The following PPFIA3 variants were observed in gnomAD, a reference collection of about 807,000 sequenced individuals.
The protein encoded by PPFIA3 is PPFI scaffold protein A3, also known as liprin-alpha-3.
Under a neutral mutation model 145.8 loss-of-function variants are expected in PPFIA3, and 26 were observed. That is an observed-to-expected ratio of 0.18 (90% CI 0.13 to 0.25). The LOEUF (loss-of-function observed/expected upper bound fraction) is 0.25, where lower values mean the gene tolerates loss of function less well. PPFIA3 is among the 10% of genes least tolerant of loss of function. PPFIA3 has a pLI of 1.00. For missense variants in PPFIA3, 1,008 were observed against 1,587.8 expected (o/e 0.63, Z 6.21); for synonymous variants, 645 against 661.4 (o/e 0.98, Z 0.38).
intron 1 of PPFIA3, among the ~76,000 whole-genome samples, chr19:49,124,462 G>A (rs773336538): frequency 6.6e-6 from 1 of 152,150 alleles, no homozygotes; most frequent in African/African-American, 2.4e-5. Context: ...ATATTAATGG[G>A]TGTCATTATG....
chr19:49,125,944 T>TTG (rs10658658), intron 1 of PPFIA3, among the ~76,000 whole-genome samples: 3,316 of 146,024 alleles, frequency 0.023, 125 homozygotes, highest in African/African-American at 0.081. Context: ...TTTTTTTTTG[T>TTG]TTGTTTGTTT....
At chr19:49,129,327 G>C (rs1038178971) in intron 4 of PPFIA3, 53 bp from the exon 5 acceptor site, 114 of 1,536,322 alleles carry the variant, frequency 7.4e-5, no homozygotes, top group Non-Finnish European at 9.3e-5. Flanking sequence ...AGGGGCAACT[G>C]TCCTAAACTG....
rs201386718 is a variant in PPFIA3 at position 49,141,557 on chromosome 19, TGA to T, written c.2462+48_2462+49del. ...GAGCGTGTGTGTGTGTATGTGAATG[TGA>T]GAGTGTGTGAGGGTGTGTGTGTGCG... is the stretch of plus-strand genomic sequence containing the variant. On this transcript the variant is annotated intron_variant, in intron 19 of 29. Coordinates refer to ENST00000334186, the MANE Select transcript of PPFIA3 (RefSeq NM_003660.4). 10,293 of 1,501,184 alleles carry T rather than the reference TGA, an allele frequency of 6.9e-3. 139 individuals are homozygous for T. The highest frequency in any genetic ancestry group is 0.036 in the Middle Eastern group (212 of 5,870). 93.0% of individuals were successfully genotyped at this position (1,501,184 alleles called of 1,614,324 possible). A position where few individuals can be genotyped will look rare whatever the true frequency, so the allele number is the denominator to read the frequency against.
At chr19:49,142,000 G>C in intron 19 of PPFIA3, 34 bp from the exon 20 acceptor site, 1 of 1,534,846 alleles carries the variant, frequency 6.5e-7, no homozygotes, top group African/African-American at 1.4e-5. Context: ...CTCCATCCCT[G>C]ACAGCTTCTA....
chr19:49,125,745 G>A (rs1047818351), intron 1 of PPFIA3, among the ~76,000 whole-genome samples: 11 of 152,042 alleles, frequency 7.2e-5, no homozygotes, highest in Admixed American at 5.2e-4. Flanking sequence ...AGAGGGGTGC[G>A]GTCTCCGACT....
At chr19:49,142,214 GC>G in intron 20 of PPFIA3, 99 bp downstream of exon 20, 1 of 1,173,370 alleles carries the variant, frequency 8.5e-7, no homozygotes, top group Non-Finnish European at 1.2e-6. Context: ...CCTGCTTCTA[GC>G]CCAGAGGTGG....
At chr19:49,132,940 G>A (rs1384621696) in intron 7 of PPFIA3, 61 bp from the exon 8 acceptor site, 2 of 1,565,704 alleles carry the variant, frequency 1.3e-6, no homozygotes, top group African/African-American at 2.7e-5. Flanking sequence ...GGGAACAAGG[G>A]GGTTCCCCGT....
At chr19:49,122,549 C>T (rs1000186631) in intron 1 of PPFIA3, among the ~76,000 whole-genome samples, 13 of 152,164 alleles carry the variant, frequency 8.5e-5, no homozygotes, top group Non-Finnish European at 1.6e-4. Flanking sequence ...CATTCTCTTC[C>T]CAGGAGCAAT....
chr19:49,126,276 T>A (rs946189461), intron 1 of PPFIA3, among the ~76,000 whole-genome samples: 1 of 149,034 alleles, frequency 6.7e-6, no homozygotes, highest in Non-Finnish European at 1.5e-5. Flanking sequence ...TGAAATGGAA[T>A]CTCACACTGT....
chr19:49,148,727 G>A lies in PPFIA3; in HGVS notation c.3073G>A (p.Glu1025Lys). ...KRLNYDRKDL[E>K]RRREESQTQI... Reference sequence around the variant, plus strand: ...GCTCAACTATGACCGGAAGGACCTGGAGCGGAGGCGGGAAGAAAGTCAGAC... The same window carrying A: ...GCTCAACTATGACCGGAAGGACCTGAAGCGGAGGCGGGAAGAAAGTCAGAC... Residue 1025 changes from glutamate (E) to lysine (K), a missense_variant, in exon 25 of 30, where the codon GAG (glutamate) becomes AAG (lysine). Around this residue, in one of 11 missense-constraint regions of PPFIA3, gnomAD observed 154 missense variants for 369.2 expected, o/e 0.42. Transcript: ENST00000334186. 6.2e-7 allele frequency: 1 copy of A among 1,614,114 alleles called. No homozygotes were observed. Among genetic ancestry groups the A allele is most frequent in the East Asian group, 2.2e-5 (1 of 44,880 alleles).
At position 49,136,852 on chromosome 19, in the gene PPFIA3, C is replaced by T. The variant is rs779056060; in HGVS notation, c.1794C>T (p.Asp598=). The change falls in exon 15 of 30, where the codon GAC becomes GAT. Residue 598 remains aspartate (D), a synonymous_variant. Transcript: ENST00000334186. ...AELLSPSGQA[D]VQTLAIMLQE... is the part of the protein sequence containing the mutation. ...TGCTGTCCCCCAGTGGGCAGGCTGA[C>T]GTGCAGACGCTGGCCATCATGCTTC... 59 of 1,586,148 alleles carry T rather than the reference C, an allele frequency of 3.7e-5. No individual in the cohort carries two copies. Among genetic ancestry groups the T allele is most frequent in the African/African-American group, 9.4e-5 (7 of 74,506 alleles).
At chr19:49,146,092 G>T in intron 22 of PPFIA3, 74 bp from the exon 23 acceptor site, 1 of 1,608,822 alleles carries the variant, frequency 6.2e-7, no homozygotes, top group Non-Finnish European at 8.5e-7. Context: ...CCATCCCTAA[G>T]TCCGCTCCTT....
At position 49,134,260 on chromosome 19, in the gene PPFIA3, C is replaced by A. The variant is rs976192876; in HGVS notation, c.1377+95C>A. On this transcript the variant is annotated intron_variant, in intron 11 of 29. Coordinates refer to ENST00000334186, the MANE Select transcript of PPFIA3 (RefSeq NM_003660.4). ...CAGGCCTTTCCCTCAGATCTGTTAT[C>A]GGAGGCCTCCCTAAACCCCGGCATC... The A allele has an allele frequency of 4.7e-6, 7 of 1,483,916 alleles. No homozygotes were observed. The African/African-American group carries it at 9.9e-5, about 21-fold the overall frequency. The allele number at this position is 1,483,916 out of a possible 1,614,324, so 91.9% of individuals were successfully genotyped here. A position where few individuals can be genotyped will look rare whatever the true frequency, so the allele number is the denominator to read the frequency against.
chr19:49,126,656 G>C (rs886324665), intron 1 of PPFIA3, among the ~76,000 whole-genome samples: 1 of 151,530 alleles, frequency 6.6e-6, no homozygotes, highest in African/African-American at 2.4e-5. Context: ...AAGGAGGCAG[G>C]AGTTGGGCTG....
chr19:49,130,047 G>A lies in PPFIA3; in HGVS notation c.637G>A (p.Gly213Ser). 2 of 1,613,038 alleles carry A rather than the reference G, an allele frequency of 1.2e-6. No homozygotes were observed. Among genetic ancestry groups the A allele is most frequent in the South Asian group, 1.1e-5 (1 of 91,032 alleles). The change falls in exon 6 of 30, where the codon GGC (glycine) becomes AGC (serine). Residue 213 changes from glycine to serine, a missense_variant. By Grantham distance (56) the Gly-to-Ser change is moderately conservative. This residue lies in a region of PPFIA3 where 136 missense variants were observed against 160.7 expected (regional missense o/e 0.85). Transcript: ENST00000334186. The surrounding 1 kb of genome is among the most constrained non-coding windows in gnomAD (Gnocchi z 4.5). The stretch of plus-strand genomic sequence containing the variant: ...GCGGCGGTCAGGGCTGGAAGAGCCG[G>A]GCAAGGATGGGGATGGGCAGGTGAG... Reference protein sequence around the residue: ...SRRRSGLEEPGKDGDGQTLAN... With the variant: ...SRRRSGLEEPSKDGDGQTLAN...
At chr19:49,141,561 A>T (rs1414474677) in intron 19 of PPFIA3, 48 bp downstream of exon 19, 8 of 1,491,636 alleles carry the variant, frequency 5.4e-6, no homozygotes, top group South Asian at 1.2e-5. Context: ...TGAATGTGAG[A>T]GTGTGTGAGG....
rs1266390358 is a variant in PPFIA3, at chr19:49,150,247, C to T, written c.*25C>T. ...CCGGCGTCATGCAGGTGACCTCACT[C>T]GGACGGAAGAATCTTCCCGAGGCTG... is the stretch of plus-strand genomic sequence containing the variant. On this transcript the variant is annotated 3_prime_UTR_variant, in exon 30 of 30. Coordinates refer to ENST00000334186, the MANE Select transcript of PPFIA3 (RefSeq NM_003660.4). 5 of 1,125,890 alleles carry T rather than the reference C, an allele frequency of 4.4e-6. No homozygotes were observed. The highest frequency in any genetic ancestry group is 1.5e-5 in the African/African-American group (1 of 64,658). The allele number at this position is 1,125,890 out of a possible 1,614,324, so 69.7% of individuals were successfully genotyped here. A position where few individuals can be genotyped will look rare whatever the true frequency, so the allele number is the denominator to read the frequency against.
At chr19:49,144,375 C>T (rs1405854911) in intron 21 of PPFIA3, among the ~76,000 whole-genome samples, 1 of 152,182 alleles carries the variant, frequency 6.6e-6, no homozygotes, top group African/African-American at 2.4e-5. Flanking sequence ...TGACTTGTCA[C>T]ATGAGGTCAG....
chr19:49,123,333 A>G (rs558737749), intron 1 of PPFIA3, among the ~76,000 whole-genome samples: 4 of 150,722 alleles, frequency 2.7e-5, no homozygotes, highest in Non-Finnish European at 3.0e-5. Context: ...CCGGCCTGTT[A>G]TCGTTGTTTA....
Sources: gnomAD v4.1 joint callset for allele counts (sites outside exome capture counted in the v4.1 genomes callset) on GRCh38, gnomAD v4.1.1 for gene constraint, gnomAD v4.1.1 regional missense constraint, Gnocchi (gnomAD v3.1) non-coding constraint, MANE v1.5 for transcripts, NCBI Gene and HGNC (gene_info 2026-07-23, HGNC 2026-07-21) for gene names.